Variants in ANLN observed in about 807,000 individuals in gnomAD.
ANLN encodes the protein anillin, actin binding protein.
A neutral mutation model predicts 135.1 loss-of-function variants in ANLN; 59 were observed. The ratio of observed to expected loss-of-function variants is 0.44; its 90% CI spans 0.35 to 0.54. The LOEUF (loss-of-function observed/expected upper bound fraction) is 0.54. ANLN is among the 20% of genes least tolerant of loss of function. The probability of loss-of-function intolerance (pLI) is 0.00; values close to 1 mark genes in which losing one functional copy is unlikely to be tolerated. For synonymous variants in ANLN, 406 were observed against 456.4 expected (o/e 0.89, Z 1.41); for missense variants, 1,182 against 1,340.0 (o/e 0.88, Z 1.84).
chr7:36,417,486 T>C (rs1240706713), intron 9 of ANLN, among the ~76,000 whole-genome samples: 2 of 152,058 alleles, frequency 1.3e-5, no homozygotes, highest in Non-Finnish European at 2.9e-5. Flanking sequence ...TATGTTTTCC[T>C]CTGTTTTCAT....
Position 36,423,908 on chromosome 7 carries a change from C to T in ANLN, c.2568C>T (p.Asn856=), listed in dbSNP as rs758998917. The change falls in exon 15 of 24, where the codon AAC becomes AAT. Residue 856 remains asparagine (N), a synonymous_variant. Coordinates refer to ENST00000265748, the MANE Select transcript of ANLN (RefSeq NM_018685.5). ...TPLASTSNSL[N]GDALTFTTTF... ...TAGCAAGTACTTCAAACTCTCTTAA[C>T]GGTGATGCTCTGACATTCACTACTA... is the stretch of plus-strand genomic sequence containing the variant. 7 of 1,612,322 alleles carry T rather than the reference C, an allele frequency of 4.3e-6. No individual in the cohort carries two copies. The highest frequency in any genetic ancestry group is 4.5e-5 in the East Asian group (2 of 44,734).
chr7:36,410,433 T>C (rs1787362317), intron 5 of ANLN, 81 bp from the exon 6 acceptor site: 3 of 1,204,298 alleles, frequency 2.5e-6, no homozygotes, highest in Non-Finnish European at 3.4e-6. Flanking sequence ...GAAGCTGTAA[T>C]GTAGTTTAGA....
At chr7:36,398,153 G>A (rs1786786076) in intron 2 of ANLN, among the ~76,000 whole-genome samples, 1 of 150,450 alleles carries the variant, frequency 6.6e-6, no homozygotes, top group Non-Finnish European at 1.5e-5. Flanking sequence ...GAAATAATAT[G>A]CCTTATGGTT....
At chr7:36,392,795 G>C (rs184186868) in intron 1 of ANLN, among the ~76,000 whole-genome samples, 1 of 151,640 alleles carries the variant, frequency 6.6e-6, no homozygotes, top group African/African-American at 2.4e-5. Context: ...GTAAGCAATA[G>C]AACATTCATA....
At chr7:36,430,774 T>C (rs887722713) in intron 20 of ANLN, among the ~76,000 whole-genome samples, 1 of 152,142 alleles carries the variant, frequency 6.6e-6, no homozygotes, top group Non-Finnish European at 1.5e-5. Flanking sequence ...CTCAAAAATA[T>C]CCCAGCATAT....
intron 17 of ANLN, 29 bp from the exon 18 acceptor site, chr7:36,425,673 T>C: frequency 6.5e-7 from 1 of 1,528,682 alleles, no homozygotes. Context: ...TAATAAGAAA[T>C]ATATATAGTA....
chr7:36,435,385 TGG>T lies in ANLN; in HGVS notation c.2884-3810_2884-3809del, dbSNP rs112527351. Among the ~76,000 whole-genome samples the T allele has an allele frequency of 6.3e-5, 9 of 143,444 alleles. No individual in the cohort carries two copies. The South Asian group carries it at 6.8e-4, about 11-fold the overall frequency. The allele number at this position is 143,444 out of a possible 152,430, so 94.1% of individuals were successfully genotyped here. A position where few individuals can be genotyped will look rare whatever the true frequency, so the allele number is the denominator to read the frequency against. ...CTTTTAAAAAAGAAAATAGAGATGG[TGG>T]GGGGGGGGTCTCAGTATGTTGCCCA... On this transcript the variant is annotated intron_variant, in intron 20 of 23. Transcript: ENST00000265748.
chr7:36,452,788 A>G lies in ANLN; in HGVS notation c.*188A>G, dbSNP rs537120117. On this transcript the variant is annotated 3_prime_UTR_variant, in exon 24 of 24. Coordinates refer to ENST00000265748, the MANE Select transcript of ANLN (RefSeq NM_018685.5). Reference sequence around the variant, plus strand: ...TTTAACTGATTTCTGTCATTCATCAATGAGTAGAAGTAAATACATTATAGT... The same window carrying G: ...TTTAACTGATTTCTGTCATTCATCAGTGAGTAGAAGTAAATACATTATAGT... The G allele has an allele frequency of 3.1e-5, 17 of 552,848 alleles. No individual in the cohort carries two copies. In the Admixed American group the frequency reaches 3.7e-4, roughly 12 times the overall value. The allele number at this position is 552,848 out of a possible 1,614,324, so 34.2% of individuals were successfully genotyped here. A position where few individuals can be genotyped will look rare whatever the true frequency, so the allele number is the denominator to read the frequency against.
rs1194012727 is a variant in ANLN at position 36,406,284 on chromosome 7, C to T, written c.591C>T (p.Gly197=). ...LLSNASATPV[G]RRGRLANLAA... ...CAAATGCCTCGGCAACTCCAGTTGG[C>T]AGAAGGGGCCGTCTGGCCAATCTTG... Residue 197 remains glycine (G), a synonymous_variant, in exon 4 of 24, where the codon GGC becomes GGT. Transcript: ENST00000265748. 2.5e-6 allele frequency: 4 copies of T among 1,614,164 alleles called. No homozygotes were observed. In the East Asian group the frequency reaches 8.9e-5, roughly 36 times the overall value.
chr7:36,425,861 TG>T, intron 18 of ANLN, 121 bp downstream of exon 18: 3 of 1,152,896 alleles, frequency 2.6e-6, no homozygotes, highest in Non-Finnish European at 3.8e-6. Flanking sequence ...CATGTACTAA[TG>T]GGGGGATATC....
intron 3 of ANLN, among the ~76,000 whole-genome samples, chr7:36,402,241 A>G (rs35263344): frequency 1.8e-5 from 2 of 113,820 alleles, no homozygotes; most frequent in African/African-American, 3.8e-5. Context: ...CCTCCTGAGT[A>G]GCAGGGATTA....
chr7:36,423,812 T>C lies in ANLN; in HGVS notation c.2477-5T>C. On this transcript the variant is annotated splice_region_variant and splice_polypyrimidine_tract_variant and intron_variant, in intron 14 of 23. Transcript: ENST00000265748. ...CTTACTATGTAATATGATTACTTCT[T>C]ACAGATGCAGCAAATTACTATTACT... 1 of 1,608,018 alleles carries C rather than the reference T, an allele frequency of 6.2e-7. No homozygotes were observed. Among genetic ancestry groups the C allele is most frequent in the Non-Finnish European group, 8.5e-7 (1 of 1,177,828 alleles).
chr7:36,431,103 T>C (rs1392898700), intron 20 of ANLN, among the ~76,000 whole-genome samples: 1 of 152,168 alleles, frequency 6.6e-6, no homozygotes, highest in Non-Finnish European at 1.5e-5. Flanking sequence ...TGCTCTGTGC[T>C]AAACAATGGA....
intron 1 of ANLN, among the ~76,000 whole-genome samples, chr7:36,392,911 G>A (rs1243888727): frequency 6.6e-6 from 1 of 152,108 alleles, no homozygotes; most frequent in Non-Finnish European, 1.5e-5. Context: ...TGGAATGTGG[G>A]CATGTCCACG....
chr7:36,451,312 A>G (rs943824564), intron 23 of ANLN, among the ~76,000 whole-genome samples: 7 of 152,226 alleles, frequency 4.6e-5, no homozygotes, highest in African/African-American at 1.7e-4. Context: ...TCTCTACTGC[A>G]TACTTCAAAA....
chr7:36,406,483 G>A lies in ANLN; in HGVS notation c.790G>A (p.Asp264Asn). 1 of 1,599,336 alleles carries A rather than the reference G, an allele frequency of 6.3e-7. No individual in the cohort carries two copies. The highest frequency in any genetic ancestry group is 1.7e-5 in the Admixed American group (1 of 59,030). The change falls in exon 4 of 24, where the codon GAT becomes AAT. Residue 264 changes from aspartate (D) to asparagine (N), a missense_variant. Coordinates refer to ENST00000265748, the MANE Select transcript of ANLN (RefSeq NM_018685.5). ...KQEATFCSQR[D>N]GDASLNKALS... ...GGAAGCTACATTCTGTTCCCAAAGGGATGGCGATGCCTCTTTGAATAAAGC... is the reference window on the plus strand; with the variant it reads ...GGAAGCTACATTCTGTTCCCAAAGGAATGGCGATGCCTCTTTGAATAAAGC...
rs1361765464 is a variant in ANLN at position 36,436,948 on chromosome 7, TA to T, written c.2884-2253del. On this transcript the variant is annotated intron_variant, in intron 20 of 23. Coordinates refer to ENST00000265748, the MANE Select transcript of ANLN (RefSeq NM_018685.5). ...ATAGACTGTCTTTTCACTTTCTTGA[TA>T]AAGTGCTTTGATGTGCAAAGGTCTA... Among the ~76,000 whole-genome samples the T allele has an allele frequency of 2.5e-4, 38 of 152,246 alleles. 1 individual carries two copies.
chr7:36,450,330 G>A (rs1205288420), intron 23 of ANLN, among the ~76,000 whole-genome samples: 2 of 152,144 alleles, frequency 1.3e-5, no homozygotes, highest in African/African-American at 2.4e-5. Flanking sequence ...TGTAAGATAC[G>A]AAGGCTTATT....
intron 20 of ANLN, among the ~76,000 whole-genome samples, chr7:36,437,145 A>G (rs1788580335): frequency 1.3e-5 from 2 of 152,108 alleles, no homozygotes; most frequent in South Asian, 4.1e-4. Context: ...AGCTCCTCAT[A>G]TTCTCCTCCC....
Sources: gnomAD v4.1 joint callset for allele counts (sites outside exome capture counted in the v4.1 genomes callset) on GRCh38, gnomAD v4.1.1 for gene constraint, MANE v1.5 for transcripts, NCBI Gene and HGNC (gene_info 2026-07-23, HGNC 2026-07-21) for gene names.